Variants in EXOC2 observed in about 807,000 individuals in gnomAD.
EXOC2 encodes the protein exocyst complex component 2.
Under a neutral mutation model 131.8 loss-of-function variants are expected in EXOC2, and 70 were observed. That is an observed-to-expected ratio of 0.53 (90% CI 0.44 to 0.65). EXOC2 has a LOEUF of 0.65. Among genes scored for constraint, EXOC2 ranks in the 30% least tolerant of loss-of-function variants. EXOC2 has a pLI of 0.00. For missense variants in EXOC2, 923 were observed against 1,108.6 expected (o/e 0.83, Z 2.38); for synonymous variants, 411 against 398.4 (o/e 1.03, Z -0.38).
At chr6:670,628 A>C (rs1763820205) in intron 1 of EXOC2, among the ~76,000 whole-genome samples, 1 of 152,202 alleles carries the variant, frequency 6.6e-6, no homozygotes, top group African/African-American at 2.4e-5. Context: ...AAAATCTGTA[A>C]TAATTTTTGA....
intron 11 of EXOC2, among the ~76,000 whole-genome samples, chr6:577,820 A>G (rs9504361): frequency 0.4 from 61,527 of 152,006 alleles, 12,911 homozygotes; most frequent in Middle Eastern, 0.54. Flanking sequence ...GGCCTCACTC[A>G]GTTTTTCTTC....
rs767795172 is a variant in EXOC2, at chr6:610,189, A to C, written c.662-11T>G. 2.5e-6 allele frequency: 4 copies of C among 1,611,648 alleles called. No homozygotes were observed. The East Asian group carries it at 8.9e-5, about 36-fold the overall frequency. ...GTTTTTGATGGATGGCTAGAAAAAA[A>C]AATCTAGTTAAAATGTAGGCCATTT... On this transcript the variant is annotated splice_polypyrimidine_tract_variant and intron_variant, in intron 6 of 27. Transcript: ENST00000230449.
chr6:555,097 C>A, intron 20 of EXOC2, 130 bp downstream of exon 20: 2 of 452,572 alleles, frequency 4.4e-6, no homozygotes, highest in Admixed American at 4.3e-5. Flanking sequence ...TAAAAAAAAA[C>A]TATTACTTCG....
At position 619,522 on chromosome 6, in the gene EXOC2, G is replaced by C. The variant is rs767030059; in HGVS notation, c.444C>G (p.Asp148Glu). The C allele has an allele frequency of 1.9e-6, 3 of 1,613,726 alleles. No homozygotes were observed. The East Asian group carries it at 6.7e-5, about 36-fold the overall frequency. Reference sequence around the variant, plus strand: ...TCATTCCATGGAATAGCATTTCTAAGTCCTTCTGCGAAAATTTACTTCTGA... The same window carrying C: ...TCATTCCATGGAATAGCATTTCTAACTCCTTCTGCGAAAATTTACTTCTGA... ...EIEKSKFSQK[D>E]LEMLFHGMSA... Residue 148 changes from aspartate to glutamate, a missense_variant, in exon 5 of 28, where the codon GAC (aspartate) becomes GAG (glutamate). Coordinates refer to ENST00000230449, the MANE Select transcript of EXOC2 (RefSeq NM_018303.6).
intron 25 of EXOC2, among the ~76,000 whole-genome samples, chr6:492,987 A>G (rs1377628519): frequency 6.6e-6 from 1 of 152,234 alleles, no homozygotes; most frequent in Non-Finnish European, 1.5e-5. Context: ...TCTGACATAC[A>G]AGTCAGTTTC....
Position 485,594 on chromosome 6 carries a change from C to T in EXOC2, c.*1077G>A, listed in dbSNP as rs1001818633. ...GAGGGAGTTGGGTGGGCCGCTGACT[C>T]TGAGAGAAGTCCCGGTGACCTGAAC... On this transcript the variant is annotated 3_prime_UTR_variant, in exon 28 of 28. Coordinates refer to ENST00000230449, the MANE Select transcript of EXOC2 (RefSeq NM_018303.6). 19 of 152,194 alleles carry T rather than the reference C, an allele frequency of 1.2e-4. No homozygotes were observed. Among genetic ancestry groups the T allele is most frequent in the African/African-American group, 4.3e-4 (18 of 41,438 alleles). The allele number at this position is 152,194 out of a possible 1,614,324, so 9.4% of individuals were successfully genotyped here.
At chr6:657,727 T>G (rs1763199714) in intron 1 of EXOC2, among the ~76,000 whole-genome samples, 1 of 150,162 alleles carries the variant, frequency 6.7e-6, no homozygotes, top group Non-Finnish European at 1.5e-5. Flanking sequence ...CAACACTGGG[T>G]AGTAGCAATC....
At chr6:690,281 T>C (rs577392330) in intron 1 of EXOC2, among the ~76,000 whole-genome samples, 4 of 152,044 alleles carry the variant, frequency 2.6e-5, no homozygotes, top group Non-Finnish European at 4.4e-5. Context: ...TCTGGAATCA[T>C]GGCGCTCAAG....
At chr6:656,532 G>T in intron 1 of EXOC2, 1 of 1,603,752 alleles carries the variant, frequency 6.2e-7, no homozygotes. Context: ...CACTCTCCTG[G>T]GAAGCACCCG....
chr6:689,020 T>G (rs1764794821), intron 1 of EXOC2: 1 of 152,158 alleles, frequency 6.6e-6, no homozygotes, highest in Admixed American at 6.5e-5. Flanking sequence ...TTGTGCAAAG[T>G]GGCACTGTTA....
intron 23 of EXOC2, among the ~76,000 whole-genome samples, chr6:530,938 T>C (rs572932193): frequency 5.9e-5 from 9 of 152,272 alleles, no homozygotes; most frequent in African/African-American, 2.2e-4. Flanking sequence ...TTGTATTAGG[T>C]GTTATAAGTA....
chr6:592,451 T>C lies in EXOC2; in HGVS notation c.1192+18A>G. ...GACATGAAGGAATCACACAACACAT[T>C]GGAAGAGAAATCCTTGCCTTTCAGA... On this transcript the variant is annotated intron_variant, in intron 11 of 27. Transcript: ENST00000230449. 2.1e-5 allele frequency: 34 copies of C among 1,598,744 alleles called. No individual in the cohort carries two copies. The highest frequency in any genetic ancestry group is 2.8e-5 in the Non-Finnish European group (33 of 1,166,582).
At position 629,974 on chromosome 6, in the gene EXOC2, GGAGCATAT is replaced by G; in HGVS notation, c.296-21_296-14del. The G allele has an allele frequency of 6.2e-7, 1 of 1,613,304 alleles. No individual in the cohort carries two copies. The highest frequency in any genetic ancestry group is 8.5e-7 in the Non-Finnish European group (1 of 1,179,584). ...TGATCCAAAATGCCTACAGAAATGA[GGAGCATAT>G]GCTTAATAAGATGAAGCCTACCCCA... On this transcript the variant is annotated splice_polypyrimidine_tract_variant and intron_variant, in intron 3 of 27. Transcript: ENST00000230449.
chr6:497,738 G>C (rs905428873), intron 24 of EXOC2, among the ~76,000 whole-genome samples: 1 of 152,120 alleles, frequency 6.6e-6, no homozygotes, highest in Non-Finnish European at 1.5e-5. Flanking sequence ...TACTGATGTT[G>C]ACAAAATAAA....
Position 617,847 on chromosome 6 carries a change from T to C in EXOC2, c.537-12A>G, listed in dbSNP as rs548968878. The C allele has an allele frequency of 2.5e-6, 4 of 1,608,224 alleles. No homozygotes were observed. The highest frequency in any genetic ancestry group is 1.7e-4 in the Middle Eastern group (1 of 6,048). On this transcript the variant is annotated splice_polypyrimidine_tract_variant and intron_variant, in intron 5 of 27. Transcript: ENST00000230449. ...TGAGCTGCTCAAAACTGAAATGAAATAAAGAAACCAAAGTTTGACACTTCT... is the reference window on the plus strand; with the variant it reads ...TGAGCTGCTCAAAACTGAAATGAAACAAAGAAACCAAAGTTTGACACTTCT...
At chr6:571,197 A>G (rs1758258040) in intron 13 of EXOC2, among the ~76,000 whole-genome samples, 1 of 152,254 alleles carries the variant, frequency 6.6e-6, no homozygotes, top group African/African-American at 2.4e-5. Context: ...CATAACTAAC[A>G]AAGAAAAGAA....
At chr6:691,328 T>C (rs1409836627) in intron 1 of EXOC2, among the ~76,000 whole-genome samples, 1 of 152,182 alleles carries the variant, frequency 6.6e-6, no homozygotes, top group Non-Finnish European at 1.5e-5. Context: ...ACGGATTTTT[T>C]CAACAAAAGT....
intron 17 of EXOC2, among the ~76,000 whole-genome samples, chr6:557,010 C>T (rs1561853541): frequency 6.6e-6 from 1 of 152,138 alleles, no homozygotes; most frequent in Non-Finnish European, 1.5e-5. Context: ...AGAGGATGTA[C>T]AGGATCTTTA....
chr6:502,903 T>C (rs2127490630), intron 23 of EXOC2, among the ~76,000 whole-genome samples: 1 of 152,180 alleles, frequency 6.6e-6, no homozygotes, highest in South Asian at 2.1e-4. Flanking sequence ...AAGGGAAAAA[T>C]GTGTGGTCCT....
Sources: gnomAD v4.1 joint callset for allele counts (sites outside exome capture counted in the v4.1 genomes callset) on GRCh38, gnomAD v4.1.1 for gene constraint, MANE v1.5 for transcripts, NCBI Gene and HGNC (gene_info 2026-07-23, HGNC 2026-07-21) for gene names.